PAM16: variants seen among roughly 807,000 people sequenced by gnomAD.
PAM16 encodes mitochondrial import inner membrane translocase subunit TIM16.
Under a neutral mutation model 17.9 loss-of-function variants are expected in PAM16, and 11 were observed. That is an observed-to-expected ratio of 0.62 (90% CI 0.39 to 1.02). The LOEUF is 1.02. Ranked by LOEUF, PAM16 falls within the 50% of genes least tolerant of loss-of-function variation. The pLI is 0.01. For missense variants in PAM16, 199 were observed against 165.4 expected (o/e 1.20, Z -1.11); for synonymous variants, 72 against 67.4 (o/e 1.07, Z -0.34).
intron 1 of PAM16, among the ~76,000 whole-genome samples, chr16:4,346,439 C>G (rs1400916656): frequency 6.6e-6 from 1 of 152,224 alleles, no homozygotes; most frequent in Non-Finnish European, 1.5e-5. Flanking sequence ...TCATTCATTA[C>G]TACTGTTTCA....
intron 3 of PAM16, 83 bp from the exon 4 acceptor site, chr16:4,341,068 A>C: frequency 6.5e-7 from 1 of 1,537,536 alleles, no homozygotes; most frequent in East Asian, 2.2e-5. Context: ...CACGTGAGAG[A>C]GGCAACAGGA....
chr16:4,340,427 G>A (rs1418189281), intron 4 of PAM16, 22 bp from the exon 5 acceptor site: 2 of 1,606,398 alleles, frequency 1.2e-6, no homozygotes, highest in Non-Finnish European at 8.5e-7. Flanking sequence ...CGGATAATCA[G>A]GCCGGGAGGC....
chr16:4,341,351 T>C lies in PAM16; in HGVS notation c.225+17A>G. 1 of 1,560,714 alleles carries C rather than the reference T, an allele frequency of 6.4e-7. No individual in the cohort carries two copies. Among genetic ancestry groups the C allele is most frequent in the Non-Finnish European group, 8.7e-7 (1 of 1,151,988 alleles). On this transcript the variant is annotated intron_variant, in intron 3 of 4. Transcript: ENST00000318059. ...AGCCTCTCCCTCTCAAACTTTGGGGTGGCCCAGTGGCCTCACCTTCTGGAC... is the reference window on the plus strand; with the variant it reads ...AGCCTCTCCCTCTCAAACTTTGGGGCGGCCCAGTGGCCTCACCTTCTGGAC...
chr16:4,341,083 T>C, intron 3 of PAM16, 98 bp from the exon 4 acceptor site: 1 of 1,464,290 alleles, frequency 6.8e-7, no homozygotes, highest in Non-Finnish European at 9.5e-7. Context: ...ACAGGACTCC[T>C]CTCCACCCTG....
rs900000553 is a variant in PAM16 at position 4,340,344 on chromosome 16, T to C, written c.353A>G (p.Glu118Gly). The C allele has an allele frequency of 1.1e-5, 17 of 1,612,934 alleles. No homozygotes were observed. The highest frequency in any genetic ancestry group is 1.4e-5 in the Non-Finnish European group (16 of 1,179,892). The change falls in exon 5 of 5, where the codon GAA (glutamate) becomes GGA (glycine). Residue 118 changes from glutamate to glycine, a missense_variant. Physicochemically the swap from Glu to Gly is moderately conservative, Grantham distance 98. Coordinates refer to ENST00000318059, the MANE Select transcript of PAM16 (RefSeq NM_016069.11). ...ELKIQAQEDR[E>G]KGQMPHT ...TCACGTATGGGGCATCTGCCCTTTT[T>C]CTCTGTCCTCCTGGGCCTGGATTTT...
At chr16:4,340,515 T>C in intron 4 of PAM16, 110 bp from the exon 5 acceptor site, 1 of 1,230,732 alleles carries the variant, frequency 8.1e-7, no homozygotes, top group Non-Finnish European at 1.1e-6. Flanking sequence ...TGAAGGGCAG[T>C]GGGTGGATAC....
At chr16:4,342,257 C>G (rs1567229533) in intron 2 of PAM16, among the ~76,000 whole-genome samples, 1 of 152,246 alleles carries the variant, frequency 6.6e-6, no homozygotes, top group African/African-American at 2.4e-5. Context: ...ACTGGAGAGG[C>G]TGAGGCAGGA....
chr16:4,345,135 G>C (rs947790703), intron 1 of PAM16, among the ~76,000 whole-genome samples: 2 of 152,108 alleles, frequency 1.3e-5, no homozygotes, highest in Non-Finnish European at 2.9e-5. Flanking sequence ...GTAGACGCAG[G>C]GGGGTGGCGC....
In PAM16 at chr16:4,344,714, A is replaced by T. The variant is rs2053722056; in HGVS notation, c.4-1423T>A. 3.8e-4 allele frequency among the ~76,000 whole-genome samples: 2 copies of T among 5,200 alleles called. 1 individual carries two copies. Among genetic ancestry groups the T allele is most frequent in the African/African-American group, 2.0e-3 (2 of 1,016 alleles). 3.4% of individuals were successfully genotyped at this position (5,200 alleles called of 152,430 possible). ...TTCCGTGAGAGAAGGGGGTTCCGTGAGAGGAGGGGGTTCCGTGAGAGGAGG... is the reference window on the plus strand; with the variant it reads ...TTCCGTGAGAGAAGGGGGTTCCGTGTGAGGAGGGGGTTCCGTGAGAGGAGG... On this transcript the variant is annotated intron_variant, in intron 1 of 4. Transcript: ENST00000318059.
intron 1 of PAM16, among the ~76,000 whole-genome samples, chr16:4,349,531 G>A (rs1289559085): frequency 2.0e-5 from 3 of 152,166 alleles, no homozygotes; most frequent in Non-Finnish European, 4.4e-5. Flanking sequence ...AGGCTGCAGT[G>A]AGCTGTGATC....
intron 4 of PAM16, 113 bp from the exon 5 acceptor site, chr16:4,340,518 G>A (rs2053627083): frequency 8.3e-7 from 1 of 1,200,784 alleles, no homozygotes; most frequent in Non-Finnish European, 1.2e-6. Flanking sequence ...AGGGCAGTGG[G>A]TGGATACCAA....
intron 1 of PAM16, chr16:4,348,076 C>T (rs1242320900): frequency 3.3e-5 from 5 of 152,242 alleles, no homozygotes; most frequent in Non-Finnish European, 7.3e-5. Context: ...GCCTGAGACT[C>T]ACTCTCAAGG....
Position 4,345,832 on chromosome 16 carries a change from C to T in PAM16, c.4-2541G>A, listed in dbSNP as rs1211212501. ...AGCCCCTCCCGAGTGGAACAGGAGG[C>T]TCAGGGATGGGATGCTGGTGCTGTC... On this transcript the variant is annotated intron_variant, in intron 1 of 4. Coordinates refer to ENST00000318059, the MANE Select transcript of PAM16 (RefSeq NM_016069.11). 5.1e-6 allele frequency: 5 copies of T among 985,248 alleles called. No homozygotes were observed. In the African/African-American group the frequency reaches 7.0e-5, roughly 14 times the overall value. The allele number at this position is 985,248 out of a possible 1,614,324, so 61.0% of individuals were successfully genotyped here.
intron 1 of PAM16, chr16:4,347,869 A>T (rs1334682965): frequency 6.6e-6 from 1 of 152,252 alleles, no homozygotes; most frequent in Non-Finnish European, 1.5e-5. Flanking sequence ...CAATCCTGGC[A>T]TGCGTGGGGG....
Position 4,341,373 on chromosome 16 carries a change from G to A in PAM16, c.220C>T (p.Gln74Ter). The A allele has an allele frequency of 6.3e-7, 1 of 1,577,658 alleles. No individual in the cohort carries two copies. Among genetic ancestry groups the A allele is most frequent in the Non-Finnish European group, 8.6e-7 (1 of 1,161,702 alleles). ...NVSKLSPEEV[Q>*]KNYEHLFKVN... ...GGGTGGCCCAGTGGCCTCACCTTCT[G>A]GACCTCCTCAGGGCTCAGCTTGGAC... The change falls in exon 3 of 5, where the codon CAG becomes TAG. Residue 74 changes from glutamine to a stop codon, truncating the protein, a stop_gained. Transcript: ENST00000318059. LOFTEE classifies it high-confidence loss of function.
chr16:4,344,391 T>A (rs2053707894), intron 1 of PAM16, among the ~76,000 whole-genome samples: 1 of 46,332 alleles, frequency 2.2e-5, no homozygotes, highest in Non-Finnish European at 4.0e-5. Context: ...GGGTTCTGTG[T>A]GAGAGGAGGG....
chr16:4,341,526 C>G, intron 2 of PAM16, 22 bp from the exon 3 acceptor site: 1 of 1,597,942 alleles, frequency 6.3e-7, no homozygotes, highest in Non-Finnish European at 8.5e-7. Context: ...TGTGGGTGAT[C>G]GCTCAGTCCT....
At chr16:4,351,321 G>GCACCTTT, upstream of PAM16, 1 of 1,104,398 alleles carries the variant, frequency 9.1e-7, no homozygotes, top group Non-Finnish European at 1.2e-6. Context: ...CAGAGGTCAA[G>GCACCTTT]GAAAGCCGCA....
At chr16:4,341,047 CTA>C (rs2053637441) in intron 3 of PAM16, 62 bp from the exon 4 acceptor site, 4 of 1,597,002 alleles carry the variant, frequency 2.5e-6, no homozygotes. Flanking sequence ...GTTGGGCAGG[CTA>C]TGTGGGGCCA....
Sources: allele counts gnomAD v4.1 joint callset (sites outside exome capture counted in the v4.1 genomes callset), GRCh38; gene constraint gnomAD v4.1.1; transcripts MANE v1.5; gene names NCBI Gene and HGNC (gene_info 2026-07-23, HGNC 2026-07-21).